PAQR5: variants seen among roughly 807,000 people sequenced by gnomAD.
The protein encoded by PAQR5 is membrane progestin receptor gamma.
A neutral mutation model predicts 34.5 loss-of-function variants in PAQR5; 20 were observed. That is an observed-to-expected ratio of 0.58 (90% CI 0.41 to 0.84). The LOEUF (loss-of-function observed/expected upper bound fraction) is 0.84. Among genes scored for constraint, PAQR5 ranks in the 40% least tolerant of loss-of-function variants. The pLI is 0.00. For synonymous variants in PAQR5, 131 were observed against 155.6 expected (o/e 0.84, Z 1.18); for missense variants, 378 against 412.7 (o/e 0.92, Z 0.73).
At chr15:69,323,140 C>A (rs1040287444) in intron 1 of PAQR5, among the ~76,000 whole-genome samples, 2 of 152,214 alleles carry the variant, frequency 1.3e-5, no homozygotes, top group Non-Finnish European at 2.9e-5. Flanking sequence ...CTTGCAGGAA[C>A]AATGAGGAGG....
At chr15:69,302,469 G>A (rs959271964) in intron 1 of PAQR5, among the ~76,000 whole-genome samples, 1 of 152,186 alleles carries the variant, frequency 6.6e-6, no homozygotes, top group Non-Finnish European at 1.5e-5. Flanking sequence ...GGAAGGAAGG[G>A]TCTGAGAGCC....
chr15:69,403,970 T>C lies in PAQR5; in HGVS notation c.*148T>C. ...AATGAATTCATGTCAAAAATGTTAT[T>C]CAGCTGGGGAAATTTCTCTAAATGT... is the stretch of plus-strand genomic sequence containing the variant. On this transcript the variant is annotated 3_prime_UTR_variant, in exon 9 of 9. Transcript: ENST00000395407. The C allele has an allele frequency of 1.2e-6, 1 of 833,366 alleles. No homozygotes were observed. Among genetic ancestry groups the C allele is most frequent in the Non-Finnish European group, 1.8e-6 (1 of 543,730 alleles). 51.6% of individuals were successfully genotyped at this position (833,366 alleles called of 1,614,324 possible). A position where few individuals can be genotyped will look rare whatever the true frequency, so the allele number is the denominator to read the frequency against.
intron 2 of PAQR5, among the ~76,000 whole-genome samples, chr15:69,347,718 A>G (rs1030494310): frequency 1.3e-5 from 2 of 152,156 alleles, no homozygotes; most frequent in Non-Finnish European, 2.9e-5. Flanking sequence ...GAACTTCAGT[A>G]GATTCGGTGC....
intron 1 of PAQR5, among the ~76,000 whole-genome samples, chr15:69,322,757 A>AGAG (rs1566997858): frequency 1.1e-4 from 3 of 28,352 alleles, no homozygotes; most frequent in Non-Finnish European, 2.4e-4. Flanking sequence ...AAGAAGAAGA[A>AGAG]GAAGAAGAAG....
chr15:69,338,097 A>G (rs1286924167), intron 2 of PAQR5, among the ~76,000 whole-genome samples: 1 of 152,086 alleles, frequency 6.6e-6, no homozygotes, highest in African/African-American at 2.4e-5. Flanking sequence ...AACAAACAAA[A>G]AAACCAGAAA....
rs1053434605 is a variant in PAQR5, at chr15:69,404,885, A to G, written c.*1063A>G. 5.0e-6 allele frequency: 2 copies of G among 398,320 alleles called. No homozygotes were observed. Among genetic ancestry groups the G allele is most frequent in the Non-Finnish European group, 8.9e-6 (2 of 225,984 alleles). The allele number at this position is 398,320 out of a possible 1,614,324, so 24.7% of individuals were successfully genotyped here. A position where few individuals can be genotyped will look rare whatever the true frequency, so the allele number is the denominator to read the frequency against. On this transcript the variant is annotated 3_prime_UTR_variant, in exon 9 of 9. Transcript: ENST00000395407. ...TCACTAGGTTAAATGTAGGTTTTGT[A>G]GAGGAGATCTGCACTGGAGCAAGTC...
chr15:69,382,251 G>A (rs189240158), intron 4 of PAQR5, among the ~76,000 whole-genome samples: 1 of 152,300 alleles, frequency 6.6e-6, no homozygotes, highest in East Asian at 1.9e-4. Flanking sequence ...GGGGATGGTG[G>A]TAACGCCACA....
At chr15:69,388,746 G>T (rs1022304756) in intron 5 of PAQR5, among the ~76,000 whole-genome samples, 2 of 152,302 alleles carry the variant, frequency 1.3e-5, no homozygotes, top group Non-Finnish European at 2.9e-5. Context: ...CCTGTCACTG[G>T]GATAAAAGAC....
intron 3 of PAQR5, among the ~76,000 whole-genome samples, chr15:69,370,002 G>A (rs545921828): frequency 7.0e-4 from 107 of 152,262 alleles, no homozygotes; most frequent in African/African-American, 2.5e-3. Flanking sequence ...TTACTTTTGT[G>A]TGATTTTTGC....
At chr15:69,355,357 TTTCTTTC>T in intron 2 of PAQR5, among the ~76,000 whole-genome samples, 1 of 33,518 alleles carries the variant, frequency 3.0e-5, no homozygotes, top group Non-Finnish European at 7.2e-5. Flanking sequence ...TCTTTCTTTC[TTTCTTTC>T]TTTCTTTCTT....
At chr15:69,393,392 G>A (rs1307030717) in intron 6 of PAQR5, among the ~76,000 whole-genome samples, 1 of 152,182 alleles carries the variant, frequency 6.6e-6, no homozygotes, top group African/African-American at 2.4e-5. Context: ...GTGGGTATCT[G>A]GAGGCCTGAA....
chr15:69,339,170 A>T (rs56156740), intron 2 of PAQR5, among the ~76,000 whole-genome samples: 2 of 137,044 alleles, frequency 1.5e-5, no homozygotes, highest in Non-Finnish European at 3.2e-5. Context: ...CACTGGCTAC[A>T]CCCCCCACCC....
rs562818851 is a variant in PAQR5 at position 69,368,673 on chromosome 15, A to G, written c.51+8542A>G. 3.9e-5 allele frequency among the ~76,000 whole-genome samples: 6 copies of G among 152,120 alleles called. No homozygotes were observed. In the South Asian group the frequency reaches 8.3e-4, roughly 21 times the overall value. Reference sequence around the variant, plus strand: ...TCTGGGTACTTTCTTTGGATCTTTCAGTTGACTAATTTTCTCTTCAGACAG... The same window carrying G: ...TCTGGGTACTTTCTTTGGATCTTTCGGTTGACTAATTTTCTCTTCAGACAG... On this transcript the variant is annotated intron_variant, in intron 3 of 8. Coordinates refer to ENST00000395407, the MANE Select transcript of PAQR5 (RefSeq NM_017705.4).
At chr15:69,356,411 T>A (rs1202268911) in intron 2 of PAQR5, among the ~76,000 whole-genome samples, 1 of 152,234 alleles carries the variant, frequency 6.6e-6, no homozygotes, top group Non-Finnish European at 1.5e-5. Flanking sequence ...GCAAAATGTA[T>A]GTGAGCTTAA....
chr15:69,334,479 A>G (rs1389550116), intron 1 of PAQR5, among the ~76,000 whole-genome samples: 1 of 152,192 alleles, frequency 6.6e-6, no homozygotes, highest in Non-Finnish European at 1.5e-5. Flanking sequence ...CAATTTCCCT[A>G]CTTTGGAGCA....
At position 69,406,471 on chromosome 15, in the gene PAQR5, T is replaced by C. The variant is rs1212043016; in HGVS notation, c.*2649T>C. On this transcript the variant is annotated 3_prime_UTR_variant, in exon 9 of 9. Transcript: ENST00000395407. ...GTCTGAAGGTAGTGAGTTAGCTCAA[T>C]TGATTGTTCGCAGTCAGTTATAGAT... is the stretch of plus-strand genomic sequence containing the variant. The C allele has an allele frequency of 1.3e-5, 2 of 152,270 alleles. No individual in the cohort carries two copies. Among genetic ancestry groups the C allele is most frequent in the South Asian group, 2.1e-4 (1 of 4,836 alleles). The allele number at this position is 152,270 out of a possible 1,614,324, so 9.4% of individuals were successfully genotyped here.
At chr15:69,391,420 A>C (rs2056268482) in intron 6 of PAQR5, 2 of 206,928 alleles carry the variant, frequency 9.7e-6, no homozygotes, top group Non-Finnish European at 2.0e-5. Flanking sequence ...GGTGGGTTGG[A>C]AGTGTGGAGC....
intron 1 of PAQR5, among the ~76,000 whole-genome samples, chr15:69,332,510 A>G (rs1298986449): frequency 6.6e-6 from 1 of 152,170 alleles, no homozygotes; most frequent in African/African-American, 2.4e-5. Flanking sequence ...CAAGCTTGAA[A>G]TTGGCTTCTC....
At chr15:69,364,122 A>G (rs1372236916) in intron 3 of PAQR5, among the ~76,000 whole-genome samples, 9 of 152,162 alleles carry the variant, frequency 5.9e-5, no homozygotes, top group South Asian at 2.1e-4. Context: ...TCCAATAAAA[A>G]TGAAATAGAA....
Sources: gnomAD v4.1 joint callset for allele counts (sites outside exome capture counted in the v4.1 genomes callset) on GRCh38, gnomAD v4.1.1 for gene constraint, MANE v1.5 for transcripts, NCBI Gene and HGNC (gene_info 2026-07-23, HGNC 2026-07-21) for gene names.